PLCB4: variants seen among roughly 807,000 people sequenced by gnomAD.
The protein encoded by PLCB4 is 1-phosphatidylinositol 4,5-bisphosphate phosphodiesterase beta-4.
PLCB4 carries 77 observed loss-of-function variants against 178.8 expected under a neutral mutation model. The ratio of observed to expected loss-of-function variants is 0.43; its 90% CI spans 0.36 to 0.52. The LOEUF is 0.52. PLCB4 is among the 20% of genes least tolerant of loss of function. PLCB4 has a pLI of 0.00. For missense variants in PLCB4, 1,024 were observed against 1,453.4 expected (o/e 0.70, Z 4.80); for synonymous variants, 496 against 490.8 (o/e 1.01, Z -0.14).
At chr20:9,199,259 T>C (rs1421176241) in intron 2 of PLCB4, among the ~76,000 whole-genome samples, 1 of 152,198 alleles carries the variant, frequency 6.6e-6, no homozygotes, top group Non-Finnish European at 1.5e-5. Flanking sequence ...ACTAGGGAAG[T>C]ACATTGGGTT....
intron 2 of PLCB4, among the ~76,000 whole-genome samples, chr20:9,203,687 A>G (rs2093578608): frequency 6.6e-6 from 1 of 151,914 alleles, no homozygotes; most frequent in South Asian, 2.1e-4. Flanking sequence ...AACTAGGTCC[A>G]GGAGAGGTTA....
intron 7 of PLCB4, among the ~76,000 whole-genome samples, chr20:9,361,181 A>G (rs777361610): frequency 1.3e-4 from 20 of 152,266 alleles, no homozygotes; most frequent in Non-Finnish European, 2.1e-4. Context: ...TTATTTATCC[A>G]TAAATAAGAA....
At chr20:9,412,316 C>G (rs2039915869) in intron 25 of PLCB4, among the ~76,000 whole-genome samples, 1 of 152,150 alleles carries the variant, frequency 6.6e-6, no homozygotes, top group African/African-American at 2.4e-5. Flanking sequence ...CAGCCCTGGA[C>G]TGTCAGTAAA....
rs767026439 is a variant in PLCB4 at position 9,339,046 on chromosome 20, A to G, written c.369+9A>G. On this transcript the variant is annotated intron_variant, in intron 7 of 39. Coordinates refer to ENST00000378473, the MANE Select transcript of PLCB4 (RefSeq NM_001377142.1). ...ATCCAGAAGTAACTAAGGTAGCTTC[A>G]GTTAAATGGCCTCCTTCTCTTCCCC... 11 of 1,608,010 alleles carry G rather than the reference A, an allele frequency of 6.8e-6. No individual in the cohort carries two copies. The highest frequency in any genetic ancestry group is 1.3e-5 in the African/African-American group (1 of 74,836).
intron 7 of PLCB4, among the ~76,000 whole-genome samples, chr20:9,359,786 C>T (rs908327711): frequency 1.3e-5 from 2 of 152,156 alleles, no homozygotes; most frequent in African/African-American, 4.8e-5. Flanking sequence ...GAATCCAATT[C>T]GTGGTTTATT....
rs149280063 is a variant in PLCB4 at position 9,078,886 on chromosome 20, C to T, written c.-135+9680C>T. Reference sequence around the variant, plus strand: ...AGATAAATGACAGCAAAGTGAAATACTGTTTCTGTTTCCCAAAGATGGATT... The same window carrying T: ...AGATAAATGACAGCAAAGTGAAATATTGTTTCTGTTTCCCAAAGATGGATT... On this transcript the variant is annotated intron_variant, in intron 1 of 39. Transcript: ENST00000378473. Among the ~76,000 whole-genome samples, 865 of 152,296 alleles carry T rather than the reference C, an allele frequency of 5.7e-3. 8 individuals are homozygous for T. Among genetic ancestry groups the T allele is most frequent in the African/African-American group, 0.02 (828 of 41,562 alleles).
chr20:9,395,430 CTT>C (rs562455192), intron 18 of PLCB4, 91 bp from the exon 19 acceptor site: 357 of 814,270 alleles, frequency 4.4e-4, no homozygotes, highest in Non-Finnish European at 6.4e-4. Flanking sequence ...TTTCTTCTCT[CTT>C]TTCACGTCCT....
At chr20:9,137,594 A>G (rs2146850632) in intron 2 of PLCB4, among the ~76,000 whole-genome samples, 1 of 152,268 alleles carries the variant, frequency 6.6e-6, no homozygotes, top group East Asian at 1.9e-4. Flanking sequence ...GAAAATTTGT[A>G]ATTCAAAGAA....
rs78488239 is a variant in PLCB4, at chr20:9,342,857, G to A, written c.369+3820G>A. On this transcript the variant is annotated intron_variant, in intron 7 of 39. Transcript: ENST00000378473. ...TTGAGAAAAATATTTTTGGCAACTTGCCTTTAAAGAAATCTTCCCAAAATA... is the reference window on the plus strand; with the variant it reads ...TTGAGAAAAATATTTTTGGCAACTTACCTTTAAAGAAATCTTCCCAAAATA... 6.6e-5 allele frequency among the ~76,000 whole-genome samples: 10 copies of A among 152,154 alleles called. No individual in the cohort carries two copies. In the East Asian group the frequency reaches 1.4e-3, roughly 21 times the overall value.
At chr20:9,453,567 G>C (rs2042896032) in intron 33 of PLCB4, 105 bp downstream of exon 33, 1 of 621,068 alleles carries the variant, frequency 1.6e-6, no homozygotes, top group Non-Finnish European at 2.8e-6. Flanking sequence ...GTGTTGACTT[G>C]ATTTTCATCA....
In PLCB4 at chr20:9,181,915, G is replaced by A. The variant is rs1034385586; in HGVS notation, c.-78-35475G>A. Among the ~76,000 whole-genome samples the A allele has an allele frequency of 2.0e-5, 3 of 152,214 alleles. No homozygotes were observed. In the East Asian group the frequency reaches 5.8e-4, roughly 29 times the overall value. ...AAAGAGAGAAAGAAGATCAATAATA[G>A]GGGTTCTAGGAAATTGCTTTCAGAC... is the stretch of plus-strand genomic sequence containing the variant. On this transcript the variant is annotated intron_variant, in intron 2 of 39. Transcript: ENST00000378473.
At chr20:9,283,639 A>G (rs2094513428) in intron 3 of PLCB4, among the ~76,000 whole-genome samples, 1 of 151,784 alleles carries the variant, frequency 6.6e-6, no homozygotes, top group African/African-American at 2.4e-5. Flanking sequence ...CCTGGTTCTA[A>G]ATTCCTGTAA....
At chr20:9,338,229 C>T (rs1010815882) in intron 6 of PLCB4, among the ~76,000 whole-genome samples, 162 bp downstream of exon 6, 2 of 152,172 alleles carry the variant, frequency 1.3e-5, no homozygotes, top group African/African-American at 4.8e-5. Flanking sequence ...GGTAATGTCA[C>T]ATTTATTCAC....
chr20:9,309,203 A>G (rs1329151110), intron 4 of PLCB4, among the ~76,000 whole-genome samples: 2 of 152,128 alleles, frequency 1.3e-5, no homozygotes, highest in Admixed American at 6.5e-5. Context: ...ATTTCTCTCC[A>G]GTTTCCAACA....
At chr20:9,460,191 G>A (rs920631528) in intron 35 of PLCB4, among the ~76,000 whole-genome samples, 1 of 152,224 alleles carries the variant, frequency 6.6e-6, no homozygotes, top group Non-Finnish European at 1.5e-5. Context: ...TAACAAAGTA[G>A]CATATGACAC....
At position 9,198,053 on chromosome 20, in the gene PLCB4, T is replaced by G. The variant is rs77619224; in HGVS notation, c.-78-19337T>G. 2.4e-3 allele frequency among the ~76,000 whole-genome samples: 366 copies of G among 152,284 alleles called. 5 individuals are homozygous for G. Among genetic ancestry groups the G allele is most frequent in the African/African-American group, 8.4e-3 (348 of 41,560 alleles). On this transcript the variant is annotated intron_variant, in intron 2 of 39. Coordinates refer to ENST00000378473, the MANE Select transcript of PLCB4 (RefSeq NM_001377142.1). ...GGAGAACTTCTGAGCTGAGAACCAT[T>G]GTCATTTCTCAACAAAAGGACTCTG...
chr20:9,332,655 A>G (rs1162980426), intron 4 of PLCB4, among the ~76,000 whole-genome samples: 1 of 152,020 alleles, frequency 6.6e-6, no homozygotes, highest in Non-Finnish European at 1.5e-5. Flanking sequence ...ATACGTTTTT[A>G]TTTTATGAGC....
intron 2 of PLCB4, among the ~76,000 whole-genome samples, chr20:9,170,093 G>A (rs1326877168): frequency 6.6e-6 from 1 of 152,112 alleles, no homozygotes; most frequent in Non-Finnish European, 1.5e-5. Flanking sequence ...GCAAGATATA[G>A]AACATTACCA....
At chr20:9,248,650 A>G (rs1375629191) in intron 3 of PLCB4, among the ~76,000 whole-genome samples, 1 of 152,198 alleles carries the variant, frequency 6.6e-6, no homozygotes, top group Non-Finnish European at 1.5e-5. Flanking sequence ...GAAAATTTAA[A>G]TCTGACCTAC....
Sources: gnomAD v4.1 joint callset for allele counts (sites outside exome capture counted in the v4.1 genomes callset) on GRCh38, gnomAD v4.1.1 for gene constraint, MANE v1.5 for transcripts, NCBI Gene and HGNC (gene_info 2026-07-23, HGNC 2026-07-21) for gene names.